The following LRP1B variants were observed in gnomAD, a reference collection of about 807,000 sequenced individuals.
LRP1B encodes the protein LDL receptor related protein 1B, also known as low-density lipoprotein receptor-related protein 1B.
A neutral mutation model predicts 556.6 loss-of-function variants in LRP1B; 217 were observed. That is an observed-to-expected ratio of 0.39 (90% CI 0.35 to 0.44). The LOEUF is 0.44. Among genes scored for constraint, LRP1B ranks in the 20% least tolerant of loss-of-function variants. The pLI is 1.00. For missense variants in LRP1B, 5,053 were observed against 5,620.8 expected, an observed-to-expected ratio of 0.90 and a Z score of 3.23; for synonymous variants, 2,047 against 1,865.8, an observed-to-expected ratio of 1.10 and a Z score of -2.50.
intron 66 of LRP1B, among the ~76,000 whole-genome samples, chr2:140,393,414 C>G (rs2105214314): frequency 6.6e-6 from 1 of 151,462 alleles, no homozygotes; most frequent in South Asian, 2.1e-4. Context: ...TTCAGCTGAC[C>G]AGAAAAATTG....
intron 7 of LRP1B, chr2:141,167,125 A>G (rs1241188842): frequency 6.6e-6 from 1 of 151,924 alleles, no homozygotes; most frequent in Non-Finnish European, 1.5e-5. Context: ...AATATAAGTT[A>G]TATAATACAA....
At chr2:140,679,955 CTTAT>C (rs964392145) in intron 41 of LRP1B, among the ~76,000 whole-genome samples, 58 of 151,498 alleles carry the variant, frequency 3.8e-4, no homozygotes, top group East Asian at 1.2e-3. Context: ...ATTTAATTTA[CTTAT>C]TTATTTATTT....
At chr2:141,121,946 C>G (rs1429249274) in intron 7 of LRP1B, among the ~76,000 whole-genome samples, 1 of 152,036 alleles carries the variant, frequency 6.6e-6, no homozygotes, top group Non-Finnish European at 1.5e-5. Context: ...GAAATAATAC[C>G]ACACATCTAT....
intron 25 of LRP1B, among the ~76,000 whole-genome samples, chr2:140,877,270 A>G (rs552209372): frequency 1.4e-4 from 21 of 152,218 alleles, no homozygotes; most frequent in Admixed American, 1.4e-3. Flanking sequence ...ATTTTCCAGG[A>G]TTATTCTTTT....
chr2:141,985,132 CA>C (rs1382487689), intron 1 of LRP1B, among the ~76,000 whole-genome samples: 1 of 152,080 alleles, frequency 6.6e-6, no homozygotes, highest in Non-Finnish European at 1.5e-5. Context: ...AACGGTATTA[CA>C]AACTCTGGAA....
intron 50 of LRP1B, 71 bp downstream of exon 50, chr2:140,516,818 C>T (rs2104938273): frequency 7.2e-7 from 1 of 1,396,408 alleles, no homozygotes; most frequent in South Asian, 1.2e-5. Flanking sequence ...TATAAAATCC[C>T]TACATAAGAG....
Position 141,639,535 on chromosome 2 carries a change from A to G in LRP1B, c.206-159002T>C, listed in dbSNP as rs180760919. Among the ~76,000 whole-genome samples the G allele has an allele frequency of 3.3e-3, 499 of 150,116 alleles. 1 individual carries two copies. The highest frequency in any genetic ancestry group is 0.011 in the African/African-American group (452 of 40,932). ...CATATTTAAAGCAAGTTTTTTTTGCATGTTCACCAGGAGCTGGAAGTTAAT... is the reference window on the plus strand; with the variant it reads ...CATATTTAAAGCAAGTTTTTTTTGCGTGTTCACCAGGAGCTGGAAGTTAAT... On this transcript the variant is annotated intron_variant, in intron 2 of 90. Transcript: ENST00000389484.
chr2:140,324,276 T>TA (rs1244426092), intron 80 of LRP1B, among the ~76,000 whole-genome samples: 1 of 151,992 alleles, frequency 6.6e-6, no homozygotes, highest in Non-Finnish European at 1.5e-5. Context: ...ACTTAAAACA[T>TA]AAAAATACAC....
chr2:141,709,116 C>T (rs560941271), intron 2 of LRP1B, among the ~76,000 whole-genome samples: 14 of 151,964 alleles, frequency 9.2e-5, no homozygotes, highest in South Asian at 2.1e-4. Flanking sequence ...TTTGGGAGGC[C>T]GACGCAGGCA....
At chr2:141,916,672 G>A (rs1010709197) in intron 1 of LRP1B, among the ~76,000 whole-genome samples, 1 of 151,244 alleles carries the variant, frequency 6.6e-6, no homozygotes, top group Non-Finnish European at 1.5e-5. Flanking sequence ...GTGAGCCACC[G>A]CGCCCGGCCC....
rs186426213 is a variant in LRP1B, at chr2:140,649,241, T to C, written c.6800-47602A>G. The stretch of plus-strand genomic sequence containing the variant: ...CCTAATTCAAGGTGGAAATAAGAGT[T>C]ACATAAAATATCCCCTTCCTCCACT... On this transcript the variant is annotated intron_variant, in intron 41 of 90. Transcript: ENST00000389484. 3.3e-4 allele frequency among the ~76,000 whole-genome samples: 51 copies of C among 152,280 alleles called. No individual in the cohort carries two copies. The East Asian group carries it at 6.6e-3, about 20-fold the overall frequency.
At chr2:140,674,102 C>A (rs1343017184) in intron 41 of LRP1B, among the ~76,000 whole-genome samples, 1 of 151,910 alleles carries the variant, frequency 6.6e-6, no homozygotes, top group Admixed American at 6.6e-5. Context: ...GCGCCCACCA[C>A]CACGCCTGGC....
At chr2:141,900,486 C>T (rs895879874) in intron 1 of LRP1B, among the ~76,000 whole-genome samples, 1 of 151,920 alleles carries the variant, frequency 6.6e-6, no homozygotes, top group South Asian at 2.1e-4. Context: ...ATTCCACATT[C>T]TTACCTTTTA....
At chr2:141,826,459 A>G (rs1412766273) in intron 1 of LRP1B, among the ~76,000 whole-genome samples, 4 of 143,208 alleles carry the variant, frequency 2.8e-5, no homozygotes, top group African/African-American at 1.0e-4. Context: ...TCCTGGGTTC[A>G]CGCCATTCTC....
Position 140,766,843 on chromosome 2 carries a change from A to ATT in LRP1B, c.5758+2368_5758+2369dup, listed in dbSNP as rs1168474542. Reference sequence around the variant, plus strand: ...GTAAAATATATATATATATATATATATTATATATATATATATATATATAAT... The same window carrying ATT: ...GTAAAATATATATATATATATATATATTTTATATATATATATATATATATAAT... On this transcript the variant is annotated intron_variant, in intron 35 of 90. Transcript: ENST00000389484. Among the ~76,000 whole-genome samples the ATT allele has an allele frequency of 1.5e-4, 14 of 95,766 alleles. 1 individual carries two copies. The highest frequency in any genetic ancestry group is 6.3e-4 in the African/African-American group (13 of 20,504). The allele number at this position is 95,766 out of a possible 152,430, so 62.8% of individuals were successfully genotyped here. A position where few individuals can be genotyped will look rare whatever the true frequency, so the allele number is the denominator to read the frequency against.
intron 49 of LRP1B, among the ~76,000 whole-genome samples, chr2:140,524,581 A>T (rs1267259694): frequency 6.6e-6 from 1 of 151,954 alleles, no homozygotes; most frequent in Non-Finnish European, 1.5e-5. Context: ...GATAAAGAAT[A>T]TATGGTACAC....
intron 11 of LRP1B, among the ~76,000 whole-genome samples, chr2:141,023,196 T>C (rs1484675404): frequency 1.3e-5 from 2 of 151,968 alleles, no homozygotes; most frequent in Non-Finnish European, 2.9e-5. Context: ...TACAACATGT[T>C]ATCTTTGTTC....
intron 7 of LRP1B, among the ~76,000 whole-genome samples, chr2:141,062,717 G>A (rs1300244932): frequency 6.6e-6 from 1 of 151,772 alleles, no homozygotes; most frequent in East Asian, 1.9e-4. Context: ...GGAGCTCAAT[G>A]ACGCTATGAG....
intron 86 of LRP1B, among the ~76,000 whole-genome samples, chr2:140,247,588 C>G (rs1353638632): frequency 1.3e-5 from 2 of 151,490 alleles, no homozygotes; most frequent in African/African-American, 4.8e-5. Context: ...GAACTAACTA[C>G]CAAACAGCAA....
Sources: gnomAD v4.1 joint callset for allele counts (sites outside exome capture counted in the v4.1 genomes callset) on GRCh38, gnomAD v4.1.1 for gene constraint, MANE v1.5 for transcripts, NCBI Gene and HGNC (gene_info 2026-07-23, HGNC 2026-07-21) for gene names.